Variants in MKLN1 observed in about 807,000 individuals in gnomAD.
MKLN1 encodes the protein muskelin.
MKLN1 carries 18 observed loss-of-function variants against 99.0 expected under a neutral mutation model. The ratio of observed to expected loss-of-function variants is 0.18; its 90% CI spans 0.13 to 0.27. The LOEUF is 0.27. Among genes scored for constraint, MKLN1 ranks in the 10% least tolerant of loss-of-function variants. The pLI is 1.00. For missense variants in MKLN1, 621 were observed against 875.9 expected (o/e 0.71, Z 3.67); for synonymous variants, 288 against 293.2 (o/e 0.98, Z 0.18).
chr7:131,188,075 A>G (rs1254068242), intron 2 of MKLN1, among the ~76,000 whole-genome samples: 4 of 152,246 alleles, frequency 2.6e-5, no homozygotes, highest in African/African-American at 4.8e-5. Flanking sequence ...TTCAGAGTCA[A>G]TGTGGTAAAC....
At chr7:131,447,104 T>C (rs1434086039) in intron 12 of MKLN1, among the ~76,000 whole-genome samples, 1 of 152,230 alleles carries the variant, frequency 6.6e-6, no homozygotes, top group Admixed American at 6.5e-5. Flanking sequence ...AGTATTTCCC[T>C]AATCATAATG....
chr7:131,430,937 C>A (rs1384161436), intron 9 of MKLN1, among the ~76,000 whole-genome samples: 1 of 152,004 alleles, frequency 6.6e-6, no homozygotes, highest in African/African-American at 2.4e-5. Context: ...AAAACAAAAA[C>A]AAGGCCGGGC....
intron 6 of MKLN1, among the ~76,000 whole-genome samples, chr7:131,405,627 A>G (rs1794680014): frequency 6.6e-6 from 1 of 152,046 alleles, no homozygotes; most frequent in Non-Finnish European, 1.5e-5. Flanking sequence ...TAGTTGTGCT[A>G]TGAAGTATTT....
At chr7:131,131,482 G>A (rs532179231) in intron 1 of MKLN1, among the ~76,000 whole-genome samples, 4 of 152,270 alleles carry the variant, frequency 2.6e-5, no homozygotes, top group East Asian at 1.9e-4. Flanking sequence ...ATGCAAAAAC[G>A]CTTTTCATTC....
chr7:131,376,578 G>A, intron 2 of MKLN1, among the ~76,000 whole-genome samples: 1 of 149,618 alleles, frequency 6.7e-6, no homozygotes, highest in Admixed American at 6.7e-5. Context: ...GGAGGCAGAG[G>A]TTTCAGTGAG....
intron 12 of MKLN1, among the ~76,000 whole-genome samples, chr7:131,454,946 A>G (rs1796291215): frequency 6.6e-6 from 1 of 152,208 alleles, no homozygotes; most frequent in African/African-American, 2.4e-5. Context: ...CTCTGAAACA[A>G]TCTTGGAGCT....
At position 131,387,410 on chromosome 7, in the gene MKLN1, G is replaced by A; in HGVS notation, c.311+148G>A. 5 of 521,064 alleles carry A rather than the reference G, an allele frequency of 9.6e-6. No individual in the cohort carries two copies. The Admixed American group carries it at 1.7e-4, about 17-fold the overall frequency. The allele number at this position is 521,064 out of a possible 1,614,324, so 32.3% of individuals were successfully genotyped here. ...ATCCCTAATGCCTTAGTTTAATACT[G>A]TGGCTTGAGTTAGCTTTCTTTTTTA... On this transcript the variant is annotated intron_variant, in intron 3 of 17. Coordinates refer to ENST00000352689, the MANE Select transcript of MKLN1 (RefSeq NM_013255.5).
chr7:131,110,095 G>T, upstream of MKLN1: 1 of 289,456 alleles, frequency 3.5e-6, no homozygotes, highest in Non-Finnish European at 6.7e-6. Context: ...AGGAGGGGAG[G>T]AACCTGATCC....
At chr7:131,202,546 A>G (rs535914184) in intron 2 of MKLN1, among the ~76,000 whole-genome samples, 1 of 152,292 alleles carries the variant, frequency 6.6e-6, no homozygotes, top group African/African-American at 2.4e-5. Flanking sequence ...GCTCCCTGGC[A>G]CTGACATTTT....
chr7:131,148,429 T>C (rs1490584204), intron 2 of MKLN1, among the ~76,000 whole-genome samples: 2 of 152,192 alleles, frequency 1.3e-5, no homozygotes. Context: ...ATAAAGCACA[T>C]AATTGTTTAA....
intron 2 of MKLN1, among the ~76,000 whole-genome samples, chr7:131,144,902 G>C (rs7794075): frequency 1.1e-4 from 16 of 151,830 alleles, no homozygotes; most frequent in Admixed American, 3.3e-4. Context: ...GCTTGAACCC[G>C]GTAGGCAGAA....
At chr7:131,298,031 C>G (rs537735638) in intron 3 of MKLN1, among the ~76,000 whole-genome samples, 2 of 152,304 alleles carry the variant, frequency 1.3e-5, no homozygotes, top group South Asian at 4.1e-4. Context: ...CGCCTGTAAT[C>G]TCACCACTTT....
intron 1 of MKLN1, among the ~76,000 whole-genome samples, chr7:131,336,296 T>C (rs1037278349): frequency 6.6e-6 from 1 of 152,010 alleles, no homozygotes; most frequent in African/African-American, 2.4e-5. Context: ...GGTAAAACTT[T>C]CTCTCTCCTT....
chr7:131,191,782 C>T (rs1223304811), intron 2 of MKLN1, among the ~76,000 whole-genome samples: 5 of 147,522 alleles, frequency 3.4e-5, no homozygotes, highest in Admixed American at 6.8e-5. Flanking sequence ...GGTGCAATCT[C>T]GGCTCACTGC....
chr7:131,412,159 T>C (rs995498119), intron 7 of MKLN1, among the ~76,000 whole-genome samples: 2 of 152,120 alleles, frequency 1.3e-5, no homozygotes, highest in African/African-American at 4.8e-5. Context: ...GTTCCTTAAC[T>C]AGGTGGCACA....
In MKLN1 at chr7:131,155,537, T is replaced by TAA. The variant is rs572889516; in HGVS notation, c.-297+12597_-297+12598insAA. Among the ~76,000 whole-genome samples the TAA allele has an allele frequency of 6.4e-4, 98 of 152,278 alleles. 2 individuals carry two copies. The South Asian group carries it at 0.019, about 30-fold the overall frequency. On this transcript the variant is annotated intron_variant, in intron 2 of 7. Coordinates refer to the MKLN1 transcript ENST00000416992. ...GTAACCTTACCTTCACAGAACTCATTATATGTGAAACTTTATTTTCCAAAC... is the reference window on the plus strand; with the variant it reads ...GTAACCTTACCTTCACAGAACTCATTAAATATGTGAAACTTTATTTTCCAAAC...
intron 17 of MKLN1, among the ~76,000 whole-genome samples, chr7:131,486,771 A>T (rs1797293926): frequency 6.6e-6 from 1 of 152,158 alleles, no homozygotes; most frequent in Admixed American, 6.6e-5. Context: ...AGCAGCTGAG[A>T]TAAACCAATT....
chr7:131,247,235 C>CTTTTTT (rs72068521), intron 3 of MKLN1, among the ~76,000 whole-genome samples: 12,947 of 140,424 alleles, frequency 0.092, 715 homozygotes, highest in East Asian at 0.22. Context: ...TTTCTTTTTT[C>CTTTTTT]TTTTTTTTTT....
chr7:131,437,393 C>T (rs1458315600), intron 9 of MKLN1, among the ~76,000 whole-genome samples: 1 of 152,130 alleles, frequency 6.6e-6, no homozygotes, highest in East Asian at 1.9e-4. Context: ...CAAAAATGTT[C>T]ATAAAGACCA....
Sources: gnomAD v4.1 joint callset for allele counts (sites outside exome capture counted in the v4.1 genomes callset) on GRCh38, gnomAD v4.1.1 for gene constraint, MANE v1.5 for transcripts, NCBI Gene and HGNC (gene_info 2026-07-23, HGNC 2026-07-21) for gene names.